SORCS2: variants seen among roughly 807,000 people sequenced by gnomAD.
The protein encoded by SORCS2 is VPS10 domain-containing receptor SorCS2.
In SORCS2, 100 loss-of-function variants were observed where a neutral mutation model predicts 141.6. The observed-to-expected ratio is 0.71, with a 90% CI of 0.60 to 0.83. SORCS2 has a LOEUF of 0.83. SORCS2 is among the 40% of genes least tolerant of loss of function. The pLI is 0.00. For synonymous variants in SORCS2, 789 were observed against 676.9 expected, an observed-to-expected ratio of 1.17 and a Z score of -2.57; for missense variants, 1,646 against 1,560.2, an observed-to-expected ratio of 1.05 and a Z score of -0.93.
chr4:7,234,806 G>A (rs1304146471), intron 1 of SORCS2, among the ~76,000 whole-genome samples: 1 of 152,278 alleles, frequency 6.6e-6, no homozygotes, highest in Non-Finnish European at 1.5e-5. Flanking sequence ...CTCTCCAGGA[G>A]CCTGATGATG....
chr4:7,391,302 C>T (rs1017057301), intron 1 of SORCS2, among the ~76,000 whole-genome samples: 2 of 152,236 alleles, frequency 1.3e-5, no homozygotes, highest in Admixed American at 6.5e-5. Flanking sequence ...AGCCCCCTTT[C>T]CCCAGAGCAG....
chr4:7,704,708 G>A (rs1048484670), intron 14 of SORCS2, among the ~76,000 whole-genome samples: 2 of 152,212 alleles, frequency 1.3e-5, no homozygotes, highest in East Asian at 1.9e-4. Flanking sequence ...GGGCAAAGGG[G>A]CCTCAGGAGC....
intron 3 of SORCS2, among the ~76,000 whole-genome samples, chr4:7,553,972 G>T (rs79200812): frequency 1.3e-5 from 2 of 152,140 alleles, no homozygotes; most frequent in Non-Finnish European, 2.9e-5. Flanking sequence ...GAGGTTCATC[G>T]CCCACATTGC....
chr4:7,354,591 T>C (rs1285868881), intron 1 of SORCS2, among the ~76,000 whole-genome samples: 1 of 152,220 alleles, frequency 6.6e-6, no homozygotes, highest in Non-Finnish European at 1.5e-5. Flanking sequence ...TTTCTCTTCA[T>C]GTCACCTCTG....
chr4:7,683,124 A>G (rs939388786), intron 10 of SORCS2, among the ~76,000 whole-genome samples: 4 of 152,252 alleles, frequency 2.6e-5, no homozygotes, highest in African/African-American at 7.2e-5. Flanking sequence ...TTGCTGTGCA[A>G]TAAACCACCC....
intron 3 of SORCS2, among the ~76,000 whole-genome samples, chr4:7,617,753 C>G (rs1718864773): frequency 6.6e-6 from 1 of 152,192 alleles, no homozygotes; most frequent in Admixed American, 6.5e-5. Context: ...CAGAATCTGA[C>G]TTGCCCCTCA....
intron 3 of SORCS2, among the ~76,000 whole-genome samples, chr4:7,551,954 G>T (rs1007084335): frequency 3.9e-5 from 6 of 152,186 alleles, no homozygotes; most frequent in African/African-American, 1.4e-4. Context: ...CGGCAGCGTT[G>T]CCTGCTCTGC....
chr4:7,302,440 G>A (rs929783633), intron 1 of SORCS2, among the ~76,000 whole-genome samples: 16 of 152,254 alleles, frequency 1.1e-4, no homozygotes, highest in Admixed American at 8.5e-4. Flanking sequence ...TTGCCACTTC[G>A]TCTGCCCAGA....
rs1462030526 is a variant in SORCS2, at chr4:7,683,338, T to A, written c.1488+449T>A. Among the ~76,000 whole-genome samples, 2 of 136,036 alleles carry A rather than the reference T, an allele frequency of 1.5e-5. 1 individual carries two copies. Among genetic ancestry groups the A allele is most frequent in the African/African-American group, 5.6e-5 (2 of 35,918 alleles). 89.2% of individuals were successfully genotyped at this position (136,036 alleles called of 152,430 possible). On this transcript the variant is annotated intron_variant, in intron 10 of 26. Transcript: ENST00000507866. ...GTGGCTCTGCTGACCTTGGCTGGGC[T>A]CCGCTGAGCGGCTCTGCTGATCTTG...
intron 3 of SORCS2, among the ~76,000 whole-genome samples, chr4:7,633,630 A>G (rs919507438): frequency 4.6e-5 from 7 of 152,228 alleles, no homozygotes; most frequent in Non-Finnish European, 8.8e-5. Context: ...GTGAAGACGC[A>G]TAAGTGGATG....
At chr4:7,357,033 G>A (rs1000348516) in intron 1 of SORCS2, among the ~76,000 whole-genome samples, 1 of 152,156 alleles carries the variant, frequency 6.6e-6, no homozygotes, top group Middle Eastern at 3.2e-3. Flanking sequence ...GGGACGGTGG[G>A]CTGCAGGGAG....
intron 2 of SORCS2, among the ~76,000 whole-genome samples, chr4:7,480,437 G>A (rs541527986): frequency 6.1e-5 from 8 of 130,782 alleles, no homozygotes; most frequent in South Asian, 3.6e-4. Context: ...AATACAGCCC[G>A]GGGGGTTGGA....
intron 2 of SORCS2, among the ~76,000 whole-genome samples, chr4:7,461,728 C>T (rs781316547): frequency 1.8e-4 from 28 of 152,196 alleles, no homozygotes; most frequent in Non-Finnish European, 3.8e-4. Context: ...AGCCCAGAGG[C>T]TTGGACAGGG....
At position 7,338,190 on chromosome 4, in the gene SORCS2, G is replaced by A. The variant is rs994825836; in HGVS notation, c.481-58098G>A. Among the ~76,000 whole-genome samples the A allele has an allele frequency of 7.3e-5, 11 of 149,902 alleles. 1 individual carries two copies. In the Middle Eastern group the frequency reaches 0.017, roughly 233 times the overall value. On this transcript the variant is annotated intron_variant, in intron 1 of 26. Transcript: ENST00000507866. ...ATGGATGGATGGATGGATGTTGGAT[G>A]TTGGATGGATGTTGGTTGGATGGAT...
In SORCS2 at chr4:7,349,567, G is replaced by T. The variant is rs553429219; in HGVS notation, c.481-46721G>T. 1.2e-3 allele frequency among the ~76,000 whole-genome samples: 183 copies of T among 152,256 alleles called. 1 individual carries two copies. The highest frequency in any genetic ancestry group is 2.1e-3 in the Non-Finnish European group (142 of 68,012). On this transcript the variant is annotated intron_variant, in intron 1 of 26. Transcript: ENST00000507866. ...GTGGTAGAAAGAGCAGTCAAGCAGG[G>T]TCAGGAGATGGGCTCCCCTGCCTAC...
intron 2 of SORCS2, among the ~76,000 whole-genome samples, chr4:7,448,876 C>T (rs1359911013): frequency 0.011 from 2 of 186 alleles, no homozygotes; most frequent in Non-Finnish European, 0.018. Context: ...TCCTCCCTCT[C>T]TTCCTCCCTC....
intron 8 of SORCS2, among the ~76,000 whole-genome samples, chr4:7,668,562 G>A (rs1173203478): frequency 6.6e-6 from 1 of 152,120 alleles, no homozygotes; most frequent in Non-Finnish European, 1.5e-5. Context: ...CTTCTGCACT[G>A]GGCACCCTCA....
intron 2 of SORCS2, among the ~76,000 whole-genome samples, chr4:7,465,004 G>A (rs1273104345): frequency 6.6e-6 from 1 of 152,242 alleles, no homozygotes; most frequent in Non-Finnish European, 1.5e-5. Context: ...AGTGCTGGGG[G>A]TTCTGCCCAG....
chr4:7,587,842 C>T (rs760764761), intron 3 of SORCS2, among the ~76,000 whole-genome samples: 4 of 152,226 alleles, frequency 2.6e-5, no homozygotes, highest in Non-Finnish European at 4.4e-5. Flanking sequence ...TGGAGCACCC[C>T]GTTAGGCCGG....
Sources: allele counts gnomAD v4.1 joint callset (sites outside exome capture counted in the v4.1 genomes callset), GRCh38; gene constraint gnomAD v4.1.1; transcripts MANE v1.5; gene names NCBI Gene and HGNC (gene_info 2026-07-23, HGNC 2026-07-21).